Variants in PCDHA10 observed in about 807,000 individuals in gnomAD.
The protein encoded by PCDHA10 is protocadherin alpha 10, also known as protocadherin alpha-10.
In PCDHA10, 45 loss-of-function variants were observed where a neutral mutation model predicts 61.2. The observed-to-expected ratio is 0.74, with a 90% CI of 0.58 to 0.94. PCDHA10 has a LOEUF of 0.94. PCDHA10 is among the 40% of genes least tolerant of loss of function. The pLI is 0.00. For missense variants in PCDHA10, 1,278 were observed against 1,236.2 expected, an observed-to-expected ratio of 1.03 and a Z score of -0.51; for synonymous variants, 602 against 548.8, an observed-to-expected ratio of 1.10 and a Z score of -1.35.
intron 1 of PCDHA10, chr5:140,968,969 A>G (rs1554231287): frequency 1.9e-6 from 3 of 1,614,230 alleles, no homozygotes; most frequent in Non-Finnish European, 2.5e-6. Context: ...CTACCGCTAC[A>G]CTGCGTATGG....
chr5:141,002,095 C>G (rs1341792848), intron 3 of PCDHA10, among the ~76,000 whole-genome samples: 1 of 152,234 alleles, frequency 6.6e-6, no homozygotes, highest in Non-Finnish European at 1.5e-5. Flanking sequence ...AGTCCAGGGG[C>G]TGGGCCGGAA....
intron 3 of PCDHA10, among the ~76,000 whole-genome samples, chr5:140,997,722 C>G (rs2097782886): frequency 6.6e-6 from 1 of 151,372 alleles, no homozygotes; most frequent in South Asian, 2.1e-4. Context: ...CTTTCTACGT[C>G]AGTACATATA....
At position 140,858,296 on chromosome 5, in the gene PCDHA10, C is replaced by T; in HGVS notation, c.2248C>T (p.Gln750Ter). 6.3e-7 allele frequency: 1 copy of T among 1,597,390 alleles called. No individual in the cohort carries two copies. Among genetic ancestry groups the T allele is most frequent in the East Asian group, 2.2e-5 (1 of 44,844 alleles). ...CGCGGTGGGGAGCTGGTCTTACTCGCAGCAGAGGCGGCAGAGGGTGTGTTC... is the reference window on the plus strand; with the variant it reads ...CGCGGTGGGGAGCTGGTCTTACTCGTAGCAGAGGCGGCAGAGGGTGTGTTC... ...SSAVGSWSYSQQRRQRVCSGE... is the reference protein window; with the variant it reads ...SSAVGSWSYS Residue 750 changes from glutamine to a stop codon, truncating the protein, a stop_gained, in exon 1 of 4, where the codon CAG becomes TAG. Coordinates refer to ENST00000307360, the MANE Select transcript of PCDHA10 (RefSeq NM_018901.4). LOFTEE classifies it high-confidence loss of function.
chr5:140,993,630 C>T (rs1305182880), intron 3 of PCDHA10, among the ~76,000 whole-genome samples: 2 of 152,054 alleles, frequency 1.3e-5, no homozygotes, highest in South Asian at 4.2e-4. Flanking sequence ...TATATATAGT[C>T]GTGTACCAAA....
chr5:140,941,421 A>T (rs1399072425), intron 1 of PCDHA10, among the ~76,000 whole-genome samples: 1 of 149,518 alleles, frequency 6.7e-6, no homozygotes, highest in Non-Finnish European at 1.5e-5. Flanking sequence ...GGTTCAAGCA[A>T]TTCTCTGCCT....
intron 1 of PCDHA10, among the ~76,000 whole-genome samples, chr5:140,892,438 ATT>A (rs2063515415): frequency 6.6e-6 from 1 of 152,198 alleles, no homozygotes; most frequent in African/African-American, 2.4e-5. Context: ...ATTATCTAAA[ATT>A]TACATGTATT....
chr5:140,897,875 G>A (rs2066378352), intron 1 of PCDHA10, among the ~76,000 whole-genome samples: 1 of 152,080 alleles, frequency 6.6e-6, no homozygotes, highest in South Asian at 2.1e-4. Flanking sequence ...TTTAATGATT[G>A]CCATTCTAAC....
intron 1 of PCDHA10, among the ~76,000 whole-genome samples, chr5:140,912,818 A>T (rs2076075875): frequency 6.6e-6 from 1 of 152,052 alleles, no homozygotes; most frequent in South Asian, 2.1e-4. Context: ...TCATAAAGGG[A>T]TTTTGAATTT....
intron 1 of PCDHA10, among the ~76,000 whole-genome samples, chr5:140,930,783 A>G (rs1211509868): frequency 6.6e-6 from 1 of 152,246 alleles, no homozygotes; most frequent in Non-Finnish European, 1.5e-5. Context: ...TATTTTCACA[A>G]TATAATAGAA....
chr5:140,929,282 A>T, intron 1 of PCDHA10: 1 of 1,601,564 alleles, frequency 6.2e-7, no homozygotes, highest in South Asian at 1.1e-5. Flanking sequence ...TCCTGTATTC[A>T]GATTCGGAAT....
intron 1 of PCDHA10, chr5:140,877,100 C>A (rs782669477): frequency 2.5e-6 from 4 of 1,613,344 alleles, no homozygotes; most frequent in African/African-American, 1.3e-5. Context: ...GCCGGCGTGC[C>A]GCCTCTGGGC....
chr5:141,006,206 A>AT (rs1178693799), intron 3 of PCDHA10, among the ~76,000 whole-genome samples: 16 of 147,954 alleles, frequency 1.1e-4, no homozygotes, highest in East Asian at 5.9e-4. Context: ...GTTATGCCTC[A>AT]TTTTTTTTTA....
chr5:140,882,998 C>T, intron 1 of PCDHA10: 1 of 1,614,066 alleles, frequency 6.2e-7, no homozygotes. Context: ...GGAATTTTAC[C>T]AATCCGTTTA....
chr5:140,870,353 T>C lies in PCDHA10; in HGVS notation c.2388+11917T>C, dbSNP rs782038424. On this transcript the variant is annotated intron_variant, in intron 1 of 3. Transcript: ENST00000307360. ...GACAGCGCCCTGGACCGCGAGAACG[T>C]GTGGGCCTATGAACTGGTGGTGACT... is the stretch of plus-strand genomic sequence containing the variant. The C allele has an allele frequency of 3.7e-6, 6 of 1,614,002 alleles. No homozygotes were observed. The Admixed American group carries it at 8.3e-5, about 22-fold the overall frequency.
At chr5:140,882,961 G>A (rs267600401) in intron 1 of PCDHA10, 1 of 1,614,180 alleles carries the variant, frequency 6.2e-7, no homozygotes, top group Non-Finnish European at 8.5e-7. Context: ...TGCTCATCAC[G>A]ATTCTGGACG....
Position 140,914,027 on chromosome 5 carries a change from T to G in PCDHA10, c.2388+55591T>G, listed in dbSNP as rs188298966. Among the ~76,000 whole-genome samples the G allele has an allele frequency of 8.0e-3, 1,214 of 152,300 alleles. 6 individuals carry two copies. Among genetic ancestry groups the G allele is most frequent in the African/African-American group, 0.019 (784 of 41,574 alleles). On this transcript the variant is annotated intron_variant, in intron 1 of 3. Coordinates refer to ENST00000307360, the MANE Select transcript of PCDHA10 (RefSeq NM_018901.4). ...CTATCTTTGAGAATGATCCACGTGCTGAGAAGAATGTGTATTCTGCAGCTG... is the reference window on the plus strand; with the variant it reads ...CTATCTTTGAGAATGATCCACGTGCGGAGAAGAATGTGTATTCTGCAGCTG...
chr5:140,954,777 T>C (rs1563274185), intron 1 of PCDHA10, among the ~76,000 whole-genome samples: 1 of 152,214 alleles, frequency 6.6e-6, no homozygotes, highest in African/African-American at 2.4e-5. Flanking sequence ...TTAATTTAAT[T>C]AGATCTCATT....
At position 140,927,139 on chromosome 5, in the gene PCDHA10, C is replaced by G. The variant is rs782726149; in HGVS notation, c.2389-51810C>G. 6 of 1,613,928 alleles carry G rather than the reference C, an allele frequency of 3.7e-6. No homozygotes were observed. The Admixed American group carries it at 5.0e-5, about 13-fold the overall frequency. On this transcript the variant is annotated intron_variant, in intron 1 of 3. Coordinates refer to ENST00000307360, the MANE Select transcript of PCDHA10 (RefSeq NM_018901.4). Reference sequence around the variant, plus strand: ...TTTGGTGGTCAGAGAGCCGGCGGACCGCGAACAGCTGTGCAGGGCCAAAGC... The same window carrying G: ...TTTGGTGGTCAGAGAGCCGGCGGACGGCGAACAGCTGTGCAGGGCCAAAGC...
intron 3 of PCDHA10, among the ~76,000 whole-genome samples, chr5:141,000,771 G>A (rs1318485268): frequency 2.0e-5 from 3 of 151,790 alleles, no homozygotes; most frequent in Non-Finnish European, 4.4e-5. Context: ...GCCAGGCATA[G>A]TGGCGCACAC....
Sources: gnomAD v4.1 joint callset for allele counts (sites outside exome capture counted in the v4.1 genomes callset) on GRCh38, gnomAD v4.1.1 for gene constraint, MANE v1.5 for transcripts, NCBI Gene and HGNC (gene_info 2026-07-23, HGNC 2026-07-21) for gene names.